SPRR2B: variants seen among roughly 807,000 people sequenced by gnomAD.
The protein encoded by SPRR2B is small proline rich protein 2B, also known as small proline-rich protein 2B.
Under a neutral mutation model 1.0 loss-of-function variants are expected in SPRR2B, and 1 was observed. That is an observed-to-expected ratio of 1.01 (90% CI 0.36 to 4.77). The LOEUF is 4.77. SPRR2B is among the 30% of genes most tolerant of loss of function. The pLI, the probability that SPRR2B is intolerant of heterozygous loss-of-function variation, is 0.16. For synonymous variants in SPRR2B, 27 were observed against 33.4 expected (o/e 0.81, Z 0.66); for missense variants, 53 against 88.7 (o/e 0.60, Z 1.62).
upstream of SPRR2B, among the ~76,000 whole-genome samples, chr1:153,074,938 C>G (rs1034442919): frequency 1.3e-5 from 2 of 152,168 alleles, no homozygotes; most frequent in Non-Finnish European, 2.9e-5. Context: ...TACATTTGAT[C>G]ACATCCCTTC....
At chr1:153,079,180 T>C in the SPRR2B span, among the ~76,000 whole-genome samples, 13 of 151,902 alleles carry the variant, frequency 8.6e-5, no homozygotes, top group Non-Finnish European at 1.8e-4. Flanking sequence ...AGTGTCTGTT[T>C]ATATCCTTCG....
the SPRR2B span, among the ~76,000 whole-genome samples, chr1:153,077,887 TTACTATAACTTTAGGATATTATACATAA>T: frequency 6.6e-6 from 1 of 152,196 alleles, no homozygotes; most frequent in Non-Finnish European, 1.5e-5. Context: ...TCAAATTAGA[TTACTATAACTTTAGGATATTATACATAA>T]TCCCCAATGA....
Position 153,070,402 on chromosome 1 carries a change from G to C in SPRR2B, c.*219C>G. On this transcript the variant is annotated 3_prime_UTR_variant, in exon 2 of 2. Coordinates refer to ENST00000368755, the MANE Select transcript of SPRR2B (RefSeq NM_001388198.1). ...AGCTCTGGGAACTGACAAAGCCAAG[G>C]TTCCTTTGCTCAGTCTCCACCTGGA... The C allele has an allele frequency of 1.1e-6, 1 of 872,154 alleles. No homozygotes were observed. Among genetic ancestry groups the C allele is most frequent in the East Asian group, 2.7e-5 (1 of 36,736 alleles). The allele number at this position is 872,154 out of a possible 1,614,324, so 54.0% of individuals were successfully genotyped here.
At chr1:153,072,651 G>A (rs1654693060), upstream of SPRR2B, among the ~76,000 whole-genome samples, 1 of 152,102 alleles carries the variant, frequency 6.6e-6, no homozygotes, top group Non-Finnish European at 1.5e-5. Flanking sequence ...ACAGGTTTTA[G>A]TCTTTGAAAG....
the SPRR2B span, among the ~76,000 whole-genome samples, chr1:153,078,808 G>C: frequency 1.3e-5 from 2 of 152,162 alleles, no homozygotes; most frequent in African/African-American, 4.8e-5. Flanking sequence ...ATTGTGAATA[G>C]TGCTGCAATA....
upstream of SPRR2B, among the ~76,000 whole-genome samples, chr1:153,075,328 C>T (rs914724376): frequency 2.0e-5 from 3 of 151,182 alleles, no homozygotes; most frequent in African/African-American, 4.9e-5. Flanking sequence ...GGTGACAGAA[C>T]AAGACTCTAT....
chr1:153,080,919 G>C, the SPRR2B span, among the ~76,000 whole-genome samples: 1 of 152,146 alleles, frequency 6.6e-6, no homozygotes, highest in African/African-American at 2.4e-5. Context: ...TCGATAAACT[G>C]TGGTACACAC....
At chr1:153,073,695 T>TCACACACACACACA (rs4041380), upstream of SPRR2B, among the ~76,000 whole-genome samples, 257 of 144,584 alleles carry the variant, frequency 1.8e-3, 1 homozygote, top group Middle Eastern at 7.1e-3. Context: ...GAGGCATACT[T>TCACACACACACACA]CACACACACA....
At chr1:153,078,035 G>T in the SPRR2B span, among the ~76,000 whole-genome samples, 1 of 151,982 alleles carries the variant, frequency 6.6e-6, no homozygotes, top group Non-Finnish European at 1.5e-5. Flanking sequence ...AACAAACATT[G>T]TACAGAAAAG....
chr1:153,078,964 T>A, the SPRR2B span, among the ~76,000 whole-genome samples: 1 of 152,174 alleles, frequency 6.6e-6, no homozygotes, highest in Non-Finnish European at 1.5e-5. Flanking sequence ...GTTGAACTAG[T>A]TTACAGTCCC....
At chr1:153,080,441 A>G in the SPRR2B span, among the ~76,000 whole-genome samples, 1 of 152,192 alleles carries the variant, frequency 6.6e-6, no homozygotes, top group Non-Finnish European at 1.5e-5. Flanking sequence ...AGAACAAGTT[A>G]ATATATTTTA....
chr1:153,073,272 C>T (rs11205182), upstream of SPRR2B, among the ~76,000 whole-genome samples: 60,902 of 152,064 alleles, frequency 0.4, 12,626 homozygotes, highest in Non-Finnish European at 0.45. Context: ...ACAGTGGGTG[C>T]AGTAAAGGGA....
At chr1:153,079,430 G>T in the SPRR2B span, among the ~76,000 whole-genome samples, 4,724 of 152,244 alleles carry the variant, frequency 0.031, 227 homozygotes, top group African/African-American at 0.11. Flanking sequence ...TAGGCATGAA[G>T]TCCTTGCCCA....
At chr1:153,083,619 C>T in the SPRR2B span, among the ~76,000 whole-genome samples, 2 of 152,154 alleles carry the variant, frequency 1.3e-5, no homozygotes, top group African/African-American at 2.4e-5. Context: ...AAGCTGGGAG[C>T]CCTGCACAGG....
the SPRR2B span, among the ~76,000 whole-genome samples, chr1:153,082,597 C>T: frequency 6.6e-6 from 1 of 151,964 alleles, no homozygotes; most frequent in African/African-American, 2.4e-5. Flanking sequence ...TTAAACAACG[C>T]ACTCTTAAAC....
At chr1:153,075,294 G>A (rs554558612), upstream of SPRR2B, among the ~76,000 whole-genome samples, 3 of 151,848 alleles carry the variant, frequency 2.0e-5, no homozygotes, top group East Asian at 1.9e-4. Context: ...GTGAGGTGGC[G>A]TCACACCTCT....
the SPRR2B span, among the ~76,000 whole-genome samples, chr1:153,077,576 A>C: frequency 6.6e-6 from 1 of 152,144 alleles, no homozygotes; most frequent in South Asian, 2.1e-4. Flanking sequence ...TGAACGCAAA[A>C]AAAAAAGGAT....
At position 153,070,694 on chromosome 1, in the gene SPRR2B, T is replaced by G. The variant is rs780807836; in HGVS notation, c.146A>C (p.Gln49Pro). Residue 49 changes from glutamine (Q) to proline (P), a missense_variant, in exon 2 of 2, where the codon CAG becomes CCG. Gln to Pro is a moderately conservative substitution (Grantham distance 76). Coordinates refer to ENST00000368755, the MANE Select transcript of SPRR2B (RefSeq NM_001388198.1). ...CACAGGAGGATATTTCTGCTGGCAC[T>G]GCTGAGGTGGGCAGGGCTGTGGACA... The part of the protein sequence containing the change: ...PKCPQPCPPQ[Q>P]CQQKYPPVTP... The G allele has an allele frequency of 3.7e-6, 6 of 1,611,448 alleles. No homozygotes were observed. In the East Asian group the frequency reaches 1.1e-4, roughly 30 times the overall value.
At chr1:153,073,804 A>C (rs1053074585), upstream of SPRR2B, among the ~76,000 whole-genome samples, 1 of 152,158 alleles carries the variant, frequency 6.6e-6, no homozygotes, top group Non-Finnish European at 1.5e-5. Context: ...AGAGTCTGAT[A>C]GCCTTAGGTT....
Sources: allele counts gnomAD v4.1 joint callset (sites outside exome capture counted in the v4.1 genomes callset), GRCh38; gene constraint gnomAD v4.1.1; transcripts MANE v1.5; gene names NCBI Gene and HGNC (gene_info 2026-07-23, HGNC 2026-07-21).